The following TMTC1 variants were observed in gnomAD, a reference collection of about 807,000 sequenced individuals.
TMTC1 encodes protein O-mannosyl-transferase TMTC1.
TMTC1 carries 73 observed loss-of-function variants against 104.8 expected under a neutral mutation model. That is an observed-to-expected ratio of 0.70 (90% CI 0.58 to 0.85). The LOEUF is 0.85. Ranked by LOEUF, TMTC1 falls within the 40% of genes least tolerant of loss-of-function variation. The pLI, the probability that TMTC1 is intolerant of heterozygous loss-of-function variation, is 0.00. For missense variants in TMTC1, 1,035 were observed against 1,096.1 expected, an observed-to-expected ratio of 0.94 and a Z score of 0.79; for synonymous variants, 434 against 428.7, an observed-to-expected ratio of 1.01 and a Z score of -0.15.
intron 2 of TMTC1, among the ~76,000 whole-genome samples, chr12:29,760,400 C>T (rs952103276): frequency 6.6e-6 from 1 of 152,022 alleles, no homozygotes; most frequent in Non-Finnish European, 1.5e-5. Context: ...AAGACTGGAG[C>T]AAGCAAGAAA....
At chr12:29,710,188 A>T (rs1419351929) in intron 5 of TMTC1, among the ~76,000 whole-genome samples, 1 of 152,046 alleles carries the variant, frequency 6.6e-6, no homozygotes, top group African/African-American at 2.4e-5. Flanking sequence ...AGCTGCCACA[A>T]TCTAACTGGC....
Position 29,604,037 on chromosome 12 carries a change from G to A in TMTC1, c.1250+141C>T, listed in dbSNP as rs181153356. The A allele has an allele frequency of 1.8e-5, 20 of 1,120,088 alleles. No homozygotes were observed. In the Admixed American group the frequency reaches 4.7e-4, roughly 26 times the overall value. The allele number at this position is 1,120,088 out of a possible 1,614,324, so 69.4% of individuals were successfully genotyped here. A position where few individuals can be genotyped will look rare whatever the true frequency, so the allele number is the denominator to read the frequency against. ...TTGCTCTCATCCAACCTTCTGTGTGGCTGTTTTTAAAGCTGAAATAATAAT... is the reference window on the plus strand; with the variant it reads ...TTGCTCTCATCCAACCTTCTGTGTGACTGTTTTTAAAGCTGAAATAATAAT... On this transcript the variant is annotated intron_variant, in intron 7 of 17. Transcript: ENST00000539277.
Position 29,673,687 on chromosome 12 carries a change from C to T in TMTC1, c.939-40351G>A, listed in dbSNP as rs531434220. Among the ~76,000 whole-genome samples, 16 of 147,794 alleles carry T rather than the reference C, an allele frequency of 1.1e-4. No individual in the cohort carries two copies. The East Asian group carries it at 3.2e-3, about 29-fold the overall frequency. On this transcript the variant is annotated intron_variant, in intron 5 of 17. Transcript: ENST00000539277. ...TTGAGAAGATAATTTTATAACATTG[C>T]ATTTTGCTAAGTGTTCATTATCTCT... is the stretch of plus-strand genomic sequence containing the variant.
In TMTC1 at chr12:29,501,542, G is replaced by A. The variant is rs1943593033; in HGVS notation, c.*5304C>T. 1 of 151,950 alleles carries A rather than the reference G, an allele frequency of 6.6e-6. No homozygotes were observed. The highest frequency in any genetic ancestry group is 1.5e-5 in the Non-Finnish European group (1 of 67,926). The allele number at this position is 151,950 out of a possible 1,614,324, so 9.4% of individuals were successfully genotyped here. A position where few individuals can be genotyped will look rare whatever the true frequency, so the allele number is the denominator to read the frequency against. The stretch of plus-strand genomic sequence containing the variant: ...CTCAGATGTCTTGATTCTTGGGGTA[G>A]TGTACCCCTCCTATGGACCAGCAAG... On this transcript the variant is annotated 3_prime_UTR_variant, in exon 18 of 18. Transcript: ENST00000539277.
intron 11 of TMTC1, among the ~76,000 whole-genome samples, chr12:29,526,415 A>T (rs1254445052): frequency 6.6e-6 from 1 of 152,194 alleles, no homozygotes; most frequent in Non-Finnish European, 1.5e-5. Flanking sequence ...TTTGAATTGG[A>T]CCATAGAAGT....
intron 10 of TMTC1, among the ~76,000 whole-genome samples, chr12:29,538,062 G>C (rs1944693290): frequency 6.6e-6 from 1 of 152,122 alleles, no homozygotes; most frequent in Non-Finnish European, 1.5e-5. Flanking sequence ...ATGGGCTCTT[G>C]TTCATGCAAA....
intron 1 of TMTC1, among the ~76,000 whole-genome samples, chr12:29,780,641 T>C (rs1163566096): frequency 6.8e-6 from 1 of 146,842 alleles, no homozygotes; most frequent in African/African-American, 2.4e-5. Context: ...TAAAACTAAA[T>C]ACACACTTAG....
rs558919994 is a variant in TMTC1 at position 29,745,449 on chromosome 12, C to T, written c.938+6217G>A. Among the ~76,000 whole-genome samples, 7 of 152,006 alleles carry T rather than the reference C, an allele frequency of 4.6e-5. No individual in the cohort carries two copies. The East Asian group carries it at 1.4e-3, about 29-fold the overall frequency. ...ACCAACCCGGCCAACATGGTGAAAC[C>T]CTGTCTCTACTAAAAATACAAAAAT... On this transcript the variant is annotated intron_variant, in intron 5 of 17. Transcript: ENST00000539277.
In TMTC1 at chr12:29,584,887, C is replaced by T. The variant is rs557389618; in HGVS notation, c.1251-1313G>A. Among the ~76,000 whole-genome samples the T allele has an allele frequency of 3.0e-3, 447 of 150,804 alleles. 3 individuals are homozygous for T. Among genetic ancestry groups the T allele is most frequent in the African/African-American group, 0.01 (425 of 40,772 alleles). On this transcript the variant is annotated intron_variant, in intron 7 of 17. Transcript: ENST00000539277. The stretch of plus-strand genomic sequence containing the variant: ...CAAGTCTTTGCTATTGTGAATAGTG[C>T]CACAATAAACATACGTGTGCATGTG...
At chr12:29,533,168 C>A (rs1012126829) in intron 11 of TMTC1, 1 of 152,196 alleles carries the variant, frequency 6.6e-6, no homozygotes, top group African/African-American at 2.4e-5. Context: ...AAAACTTGGG[C>A]TCCATTATGG....
chr12:29,643,640 T>TATATA (rs369873387), intron 5 of TMTC1, among the ~76,000 whole-genome samples: 4 of 32,110 alleles, frequency 1.2e-4, no homozygotes, highest in African/African-American at 6.3e-4. Flanking sequence ...ATATATATAA[T>TATATA]ATATATGTTA....
intron 5 of TMTC1, among the ~76,000 whole-genome samples, chr12:29,725,961 GA>G (rs1565796212): frequency 6.6e-6 from 1 of 152,234 alleles, no homozygotes; most frequent in African/African-American, 2.4e-5. Context: ...CTGCTGGAAG[GA>G]GAAGAATTCC....
intron 5 of TMTC1, among the ~76,000 whole-genome samples, chr12:29,709,456 G>A (rs2136830305): frequency 6.6e-6 from 1 of 151,800 alleles, no homozygotes; most frequent in South Asian, 2.1e-4. Context: ...GTAAGAAAGT[G>A]AAAAGGAAGA....
intron 5 of TMTC1, among the ~76,000 whole-genome samples, chr12:29,705,236 T>A (rs1015804772): frequency 6.6e-6 from 1 of 152,172 alleles, no homozygotes; most frequent in Admixed American, 6.5e-5. Context: ...GGTGCACAGG[T>A]GGCCCATCGG....
chr12:29,537,644 G>T (rs750791968), intron 10 of TMTC1, among the ~76,000 whole-genome samples: 3 of 152,084 alleles, frequency 2.0e-5, no homozygotes, highest in Non-Finnish European at 4.4e-5. Context: ...TGATCCTTCA[G>T]TTTCAAAAGA....
chr12:29,766,283 G>A (rs151304796), intron 2 of TMTC1, among the ~76,000 whole-genome samples: 22 of 152,266 alleles, frequency 1.4e-4, no homozygotes, highest in South Asian at 4.1e-4. Context: ...AATGCCCATC[G>A]TAGAGCCTAA....
chr12:29,651,015 T>C (rs1591863674), intron 5 of TMTC1, among the ~76,000 whole-genome samples: 1 of 152,332 alleles, frequency 6.6e-6, no homozygotes, highest in East Asian at 1.9e-4. Context: ...ATCCAGTGTG[T>C]TTGATTTTCT....
At chr12:29,741,001 G>T (rs144054087) in intron 5 of TMTC1, among the ~76,000 whole-genome samples, 1 of 152,026 alleles carries the variant, frequency 6.6e-6, no homozygotes, top group Non-Finnish European at 1.5e-5. Context: ...TTTTGCTCTC[G>T]CAAGCAAATG....
chr12:29,737,864 C>T (rs939621020), intron 5 of TMTC1, among the ~76,000 whole-genome samples: 1 of 152,164 alleles, frequency 6.6e-6, no homozygotes, highest in Non-Finnish European at 1.5e-5. Flanking sequence ...TGTTTACCTC[C>T]TGGCTTACAA....
Sources: gnomAD v4.1 joint callset for allele counts (sites outside exome capture counted in the v4.1 genomes callset) on GRCh38, gnomAD v4.1.1 for gene constraint, MANE v1.5 for transcripts, NCBI Gene and HGNC (gene_info 2026-07-23, HGNC 2026-07-21) for gene names.